The following CSMD3 variants were observed in gnomAD, a reference collection of about 807,000 sequenced individuals.
CSMD3 encodes the protein CUB and sushi domain-containing protein 3.
CSMD3 carries 177 observed loss-of-function variants against 435.2 expected under a neutral mutation model. The observed-to-expected ratio is 0.41, with a 90% CI of 0.36 to 0.46. The LOEUF is 0.46. Ranked by LOEUF, CSMD3 falls within the 20% of genes least tolerant of loss-of-function variation. The probability of loss-of-function intolerance (pLI) is 0.34; values close to 1 mark genes in which losing one functional copy is unlikely to be tolerated. For synonymous variants in CSMD3, 1,656 were observed against 1,520.5 expected (o/e 1.09, Z -2.07); for missense variants, 4,265 against 4,504.6 (o/e 0.95, Z 1.52).
chr8:112,795,071 A>C (rs904962268), intron 13 of CSMD3, among the ~76,000 whole-genome samples: 40 of 152,274 alleles, frequency 2.6e-4, no homozygotes, highest in African/African-American at 9.1e-4. Context: ...ACTCTAAAAA[A>C]CATGTAACTT....
chr8:112,827,661 T>C (rs904666841), intron 12 of CSMD3, among the ~76,000 whole-genome samples: 1 of 152,104 alleles, frequency 6.6e-6, no homozygotes, highest in Non-Finnish European at 1.5e-5. Flanking sequence ...TGTTTATGAG[T>C]GTCAGGTAAA....
intron 4 of CSMD3, among the ~76,000 whole-genome samples, chr8:113,100,958 C>T (rs547337255): frequency 2.0e-5 from 3 of 152,180 alleles, no homozygotes; most frequent in South Asian, 4.1e-4. Context: ...CCTTGTTTCC[C>T]TGCTAGTATT....
At chr8:112,806,503 A>G (rs899710646) in intron 12 of CSMD3, among the ~76,000 whole-genome samples, 12 of 152,188 alleles carry the variant, frequency 7.9e-5, no homozygotes, top group African/African-American at 2.7e-4. Flanking sequence ...TACAAGTGCA[A>G]AAAATCCAGA....
At chr8:113,384,044 T>A (rs959473816) in intron 1 of CSMD3, among the ~76,000 whole-genome samples, 3 of 152,158 alleles carry the variant, frequency 2.0e-5, no homozygotes, top group African/African-American at 4.8e-5. Context: ...ATTTATAGGG[T>A]GTGTTCATCT....
At chr8:113,346,006 A>G (rs1007889828) in intron 1 of CSMD3, among the ~76,000 whole-genome samples, 2 of 152,032 alleles carry the variant, frequency 1.3e-5, no homozygotes, top group African/African-American at 2.4e-5. Flanking sequence ...ACTGTAACAC[A>G]GTAACAAGTT....
intron 3 of CSMD3, among the ~76,000 whole-genome samples, chr8:113,177,971 ACTCTT>A (rs948679920): frequency 2.7e-4 from 41 of 152,014 alleles, no homozygotes; most frequent in African/African-American, 9.1e-4. Context: ...GTTCAGTGAC[ACTCTT>A]CTCTATTAGT....
At chr8:113,401,792 T>C (rs562055774) in intron 1 of CSMD3, among the ~76,000 whole-genome samples, 85 of 151,748 alleles carry the variant, frequency 5.6e-4, no homozygotes, top group Non-Finnish European at 8.9e-4. Context: ...TATTTTTCTG[T>C]ACCTTTTCTA....
In CSMD3 at chr8:112,406,679, C is replaced by A. The variant is rs1049175468; in HGVS notation, c.5654G>T (p.Arg1885Ile). 6.2e-7 allele frequency: 1 copy of A among 1,612,060 alleles called. No individual in the cohort carries two copies. Among genetic ancestry groups the A allele is most frequent in the Admixed American group, 1.7e-5 (1 of 59,954 alleles). Residue 1885 changes from arginine (R) to isoleucine (I), a missense_variant, in exon 35 of 71, where the codon AGA becomes ATA. By Grantham distance (97) the Arg-to-Ile change is moderately conservative. Transcript: ENST00000297405. ...STQCSSVPEPRFGRRIGNEFA... is the reference protein window; with the variant it reads ...STQCSSVPEPIFGRRIGNEFA... ...TTCATTGCCAATTCTTCTTCCGAAT[C>A]TTGGTTCAGGCACAGAACTGCATTG...
In CSMD3 at chr8:113,355,720, T is replaced by TA. The variant is rs1563737793; in HGVS notation, c.179-40928_179-40927insT. The stretch of plus-strand genomic sequence containing the variant: ...AATAAATAACTCTTAAAAGTTTTAT[T>TA]TTTATATATATATATATATATATAT... On this transcript the variant is annotated intron_variant, in intron 1 of 70. Coordinates refer to ENST00000297405, the MANE Select transcript of CSMD3 (RefSeq NM_198123.2). Among the ~76,000 whole-genome samples, 479 of 72,416 alleles carry TA rather than the reference T, an allele frequency of 6.6e-3. 16 individuals are homozygous for TA. Among genetic ancestry groups the TA allele is most frequent in the South Asian group, 0.017 (27 of 1,608 alleles). 47.5% of individuals were successfully genotyped at this position (72,416 alleles called of 152,430 possible).
In CSMD3 at chr8:112,640,618, T is replaced by C. The variant is rs548620933; in HGVS notation, c.3311-1707A>G. ...TGTTTTTTTTTTCTCCTCTCTATAA[T>C]TGGCAGCAATACAAGAGCCCTTTTA... is the stretch of plus-strand genomic sequence containing the variant. On this transcript the variant is annotated intron_variant, in intron 20 of 70. Coordinates refer to ENST00000297405, the MANE Select transcript of CSMD3 (RefSeq NM_198123.2). Among the ~76,000 whole-genome samples the C allele has an allele frequency of 8.9e-3, 1,355 of 151,844 alleles. 23 individuals are homozygous for C. Among genetic ancestry groups the C allele is most frequent in the African/African-American group, 0.031 (1,279 of 41,508 alleles).
intron 3 of CSMD3, among the ~76,000 whole-genome samples, chr8:113,243,366 T>C (rs1339890657): frequency 6.6e-6 from 1 of 151,772 alleles, no homozygotes; most frequent in Non-Finnish European, 1.5e-5. Flanking sequence ...TATATTTTAT[T>C]TTAAAATATA....
intron 5 of CSMD3, among the ~76,000 whole-genome samples, chr8:113,093,520 C>A (rs1308946292): frequency 6.6e-6 from 1 of 151,992 alleles, no homozygotes; most frequent in East Asian, 1.9e-4. Flanking sequence ...GAAGTTATTG[C>A]TCATTTTGTA....
chr8:112,721,002 T>C (rs2076845375), intron 13 of CSMD3, among the ~76,000 whole-genome samples: 1 of 152,158 alleles, frequency 6.6e-6, no homozygotes, highest in African/African-American at 2.4e-5. Flanking sequence ...TCTGAATTCA[T>C]TTCTGACCCT....
chr8:112,782,500 A>T (rs2078416151), intron 13 of CSMD3, among the ~76,000 whole-genome samples: 1 of 152,132 alleles, frequency 6.6e-6, no homozygotes, highest in Non-Finnish European at 1.5e-5. Context: ...GAGGAGGTAG[A>T]GAGAAAGATC....
At chr8:113,269,098 T>C (rs1257953692) in intron 3 of CSMD3, among the ~76,000 whole-genome samples, 2 of 152,166 alleles carry the variant, frequency 1.3e-5, no homozygotes, top group Admixed American at 6.6e-5. Flanking sequence ...AAAGATTTTA[T>C]TTAATTCTTT....
intron 2 of CSMD3, among the ~76,000 whole-genome samples, chr8:113,302,425 T>C (rs1001741187): frequency 6.7e-6 from 1 of 149,850 alleles, no homozygotes; most frequent in Non-Finnish European, 1.5e-5. Context: ...GAATGTTAGT[T>C]TTTAACAGAT....
intron 24 of CSMD3, among the ~76,000 whole-genome samples, chr8:112,563,517 G>A (rs1828817524): frequency 6.6e-6 from 1 of 151,562 alleles, no homozygotes; most frequent in African/African-American, 2.4e-5. Flanking sequence ...AATCTAGTAA[G>A]TAATATTAAA....
chr8:113,320,053 A>G (rs893113228), intron 1 of CSMD3, among the ~76,000 whole-genome samples: 10 of 152,094 alleles, frequency 6.6e-5, no homozygotes, highest in African/African-American at 2.2e-4. Flanking sequence ...AACATGAGAT[A>G]GCAGGACATT....
intron 3 of CSMD3, among the ~76,000 whole-genome samples, chr8:113,246,980 G>A (rs1478969040): frequency 1.3e-5 from 2 of 152,158 alleles, no homozygotes; most frequent in African/African-American, 4.8e-5. Flanking sequence ...ACTTCCTGCT[G>A]GTGGAGGACC....
Sources: gnomAD v4.1 joint callset for allele counts (sites outside exome capture counted in the v4.1 genomes callset) on GRCh38, gnomAD v4.1.1 for gene constraint, MANE v1.5 for transcripts, NCBI Gene and HGNC (gene_info 2026-07-23, HGNC 2026-07-21) for gene names.